The following PRCP variants were observed in gnomAD, a reference collection of about 807,000 sequenced individuals.
PRCP encodes the protein lysosomal Pro-X carboxypeptidase.
Under a neutral mutation model 54.2 loss-of-function variants are expected in PRCP, and 46 were observed. That is an observed-to-expected ratio of 0.85 (90% CI 0.67 to 1.09). The LOEUF (loss-of-function observed/expected upper bound fraction) is 1.09, where lower values mean the gene tolerates loss of function less well. Ranked by LOEUF, PRCP falls within the 50% of genes least tolerant of loss-of-function variation. The probability of loss-of-function intolerance (pLI) is 0.00; values close to 1 mark genes in which losing one functional copy is unlikely to be tolerated. For missense variants in PRCP, 613 were observed against 596.8 expected, an observed-to-expected ratio of 1.03 and a Z score of -0.28; for synonymous variants, 240 against 212.2, an observed-to-expected ratio of 1.13 and a Z score of -1.14.
intron 6 of PRCP, 162 bp from the exon 7 acceptor site, chr11:82,839,587 A>ATTGAAGAGGTTTATTCATTT: frequency 1.3e-6 from 1 of 745,062 alleles, no homozygotes; most frequent in Non-Finnish European, 2.1e-6. Flanking sequence ...CCCCTCCATA[A>ATTGAAGAGGTTTATTCATTT]ATGAATAAAC....
Position 82,849,948 on chromosome 11 carries a change from C to A in PRCP, c.717G>T (p.Arg239Ser), listed in dbSNP as rs377663573. The stretch of plus-strand genomic sequence containing the variant: ...AGAGTCGATTAATGGCATCCCAGGA[C>A]CTGTGGATGCTCTCTGAACAATGTG... ...SGPHCSESIH[R>S]SWDAINRLSN... The change falls in exon 5 of 9, where the codon AGG becomes AGT. Residue 239 changes from arginine to serine, a missense_variant. By Grantham distance (110) the Arg-to-Ser change is moderately radical. Coordinates refer to ENST00000313010, the MANE Select transcript of PRCP (RefSeq NM_005040.4). 2.0e-6 allele frequency: 3 copies of A among 1,528,144 alleles called. No individual in the cohort carries two copies. Among genetic ancestry groups the A allele is most frequent in the African/African-American group, 2.8e-5 (2 of 70,960 alleles). The allele number at this position is 1,528,144 out of a possible 1,614,324, so 94.7% of individuals were successfully genotyped here.
intron 1 of PRCP, among the ~76,000 whole-genome samples, chr11:82,880,850 A>C (rs1372625398): frequency 2.0e-5 from 3 of 152,140 alleles, no homozygotes; most frequent in Admixed American, 6.5e-5. Flanking sequence ...AAAAAAAAAA[A>C]AACCCTCTGC....
chr11:82,853,352 T>C, intron 2 of PRCP, 74 bp from the exon 3 acceptor site: 5 of 1,241,444 alleles, frequency 4.0e-6, no homozygotes, highest in Non-Finnish European at 5.8e-6. Context: ...TGGCAAACCA[T>C]ATGGAATAGA....
chr11:82,862,775 T>C (rs1859238647), intron 1 of PRCP, among the ~76,000 whole-genome samples: 1 of 152,234 alleles, frequency 6.6e-6, no homozygotes, highest in African/African-American at 2.4e-5. Flanking sequence ...GTAATAATGA[T>C]GTCCATGTGC....
intron 8 of PRCP, chr11:82,829,046 C>G (rs1049102300): frequency 6.6e-6 from 1 of 152,184 alleles, no homozygotes; most frequent in African/African-American, 2.4e-5. Context: ...TTTGTATTAC[C>G]TCCACTGCAC....
At chr11:82,854,358 TAACA>T in intron 2 of PRCP, among the ~76,000 whole-genome samples, 1 of 152,046 alleles carries the variant, frequency 6.6e-6, no homozygotes, top group Admixed American at 6.5e-5. Flanking sequence ...TATATACCAA[TAACA>T]ATCAAGCTAA....
chr11:82,878,442 CTA>C (rs1462002847), intron 1 of PRCP, among the ~76,000 whole-genome samples: 1 of 152,198 alleles, frequency 6.6e-6, no homozygotes, highest in Non-Finnish European at 1.5e-5. Flanking sequence ...CCCAGAATTC[CTA>C]CATGTTGTGG....
intron 6 of PRCP, among the ~76,000 whole-genome samples, chr11:82,844,475 G>A (rs1415425142): frequency 2.0e-5 from 3 of 151,760 alleles, no homozygotes; most frequent in African/African-American, 7.3e-5. Flanking sequence ...GGTGGCTCAC[G>A]CCTGTAATCC....
intron 1 of PRCP, among the ~76,000 whole-genome samples, chr11:82,896,079 A>G (rs911554098): frequency 2.6e-5 from 4 of 152,184 alleles, no homozygotes; most frequent in African/African-American, 9.7e-5. Context: ...TTTGGATGAG[A>G]GTGTATTTTC....
upstream of PRCP, chr11:82,900,432 G>A (rs758785339): frequency 6.2e-7 from 1 of 1,608,118 alleles, no homozygotes. Flanking sequence ...AGTGCGGGTG[G>A]GAGGGCGAAA....
At chr11:82,897,229 T>A (rs763807874) in intron 1 of PRCP, among the ~76,000 whole-genome samples, 8 of 152,102 alleles carry the variant, frequency 5.3e-5, no homozygotes, top group Admixed American at 3.3e-4. Flanking sequence ...TAACTCAATA[T>A]TTGAAGACCT....
At chr11:82,830,655 A>G (rs1858358134) in intron 8 of PRCP, 1 of 145,324 alleles carries the variant, frequency 6.9e-6, no homozygotes. Context: ...AAAAAAAAAA[A>G]CTACACTCCA....
upstream of PRCP, chr11:82,900,557 C>T: frequency 5.7e-6 from 6 of 1,044,578 alleles, no homozygotes; most frequent in South Asian, 6.8e-5. Context: ...GAGACGCCGC[C>T]CAAGCCAGGT....
chr11:82,836,707 C>A (rs1385724193), intron 8 of PRCP, among the ~76,000 whole-genome samples: 3 of 152,074 alleles, frequency 2.0e-5, no homozygotes, highest in Non-Finnish European at 4.4e-5. Context: ...TGCCACCATG[C>A]CAACTAATTT....
chr11:82,873,821 C>T (rs1194642467), intron 1 of PRCP, among the ~76,000 whole-genome samples: 4 of 152,162 alleles, frequency 2.6e-5, no homozygotes, highest in African/African-American at 9.7e-5. Context: ...TTGAAAAATA[C>T]ATGATGTTAA....
intron 1 of PRCP, among the ~76,000 whole-genome samples, chr11:82,866,116 A>G (rs1337631641): frequency 1.3e-5 from 2 of 152,156 alleles, no homozygotes; most frequent in Non-Finnish European, 2.9e-5. Flanking sequence ...CCTTTCAAAA[A>G]CCCTGCTTAA....
chr11:82,849,005 A>G, intron 6 of PRCP, 44 bp downstream of exon 6: 3 of 1,577,254 alleles, frequency 1.9e-6, no homozygotes, highest in South Asian at 2.3e-5. Flanking sequence ...CATTAAAAAA[A>G]AAGTGTGTTA....
intron 1 of PRCP, among the ~76,000 whole-genome samples, chr11:82,878,519 A>G (rs772768031): frequency 6.6e-6 from 1 of 152,194 alleles, no homozygotes; most frequent in Non-Finnish European, 1.5e-5. Flanking sequence ...ATGATAGTGA[A>G]TAAGTCTCAT....
At chr11:82,882,547 G>C (rs1034223219) in intron 1 of PRCP, among the ~76,000 whole-genome samples, 6 of 143,342 alleles carry the variant, frequency 4.2e-5, no homozygotes, top group Non-Finnish European at 7.4e-5. Flanking sequence ...CCAGGCTGGA[G>C]TGCAGTGGCG....
Sources: allele counts gnomAD v4.1 joint callset (sites outside exome capture counted in the v4.1 genomes callset), GRCh38; gene constraint gnomAD v4.1.1; transcripts MANE v1.5; gene names NCBI Gene and HGNC (gene_info 2026-07-23, HGNC 2026-07-21).